Variants in DAB1 observed in about 807,000 individuals in gnomAD.
DAB1 encodes DAB adaptor protein 1.
In DAB1, 15 loss-of-function variants were observed where a neutral mutation model predicts 64.6. That is an observed-to-expected ratio of 0.23 (90% confidence interval 0.16 to 0.36). The LOEUF (loss-of-function observed/expected upper bound fraction) is 0.36. Among genes scored for constraint, DAB1 ranks in the 10% least tolerant of loss-of-function variants. The probability of loss-of-function intolerance (pLI) is 1.00; values close to 1 mark genes in which losing one functional copy is unlikely to be tolerated. For missense variants in DAB1, 596 were observed against 706.7 expected, an observed-to-expected ratio of 0.84 and a Z score of 1.78; for synonymous variants, 235 against 251.9, an observed-to-expected ratio of 0.93 and a Z score of 0.64.
At chr1:58,460,470 T>C (rs1645233511) in intron 3 of DAB1, among the ~76,000 whole-genome samples, 1 of 152,246 alleles carries the variant, frequency 6.6e-6, no homozygotes, top group South Asian at 2.1e-4. Flanking sequence ...TTGTTTTTTA[T>C]TTCTGGCCAG....
At chr1:57,835,730 T>C (rs1652781544) in intron 1 of DAB1, among the ~76,000 whole-genome samples, 1 of 152,216 alleles carries the variant, frequency 6.6e-6, no homozygotes, top group South Asian at 2.1e-4. Flanking sequence ...CCTGCTGTTT[T>C]GCTGGAGAAA....
intron 3 of DAB1, among the ~76,000 whole-genome samples, chr1:58,433,592 A>C (rs1010641447): frequency 1.0e-3 from 104 of 100,812 alleles, no homozygotes; most frequent in Admixed American, 1.5e-3. Context: ...AGAGAGAGAG[A>C]GAGAGTGTGT....
At chr1:58,524,216 A>G (rs1241494831) in intron 2 of DAB1, among the ~76,000 whole-genome samples, 2 of 152,198 alleles carry the variant, frequency 1.3e-5, no homozygotes, top group African/African-American at 2.4e-5. Context: ...CCAGAATAGC[A>G]CACTTTCATC....
chr1:57,792,476 T>C (rs1327097172), intron 6 of DAB1, among the ~76,000 whole-genome samples: 1 of 152,224 alleles, frequency 6.6e-6, no homozygotes, highest in Admixed American at 6.5e-5. Context: ...TAAAGTTTTC[T>C]ATTTTTAGAT....
At chr1:58,050,073 T>C (rs1298528112) in intron 5 of DAB1, among the ~76,000 whole-genome samples, 1 of 151,978 alleles carries the variant, frequency 6.6e-6, no homozygotes, top group Non-Finnish European at 1.5e-5. Flanking sequence ...TATGGAGAAG[T>C]GTAGAGGGTG....
chr1:57,381,267 G>C (rs542776137), intron 1 of DAB1, among the ~76,000 whole-genome samples: 3 of 152,202 alleles, frequency 2.0e-5, no homozygotes, highest in Non-Finnish European at 4.4e-5. Context: ...GAAGATAATA[G>C]AACAAATGGA....
chr1:57,220,010 T>A (rs1182183608), intron 2 of DAB1, among the ~76,000 whole-genome samples: 2 of 152,200 alleles, frequency 1.3e-5, no homozygotes, highest in East Asian at 3.9e-4. Context: ...TACATTAGAC[T>A]ACAAGCTTCT....
At chr1:58,530,397 T>C (rs1274878236) in intron 1 of DAB1, among the ~76,000 whole-genome samples, 5 of 152,148 alleles carry the variant, frequency 3.3e-5, no homozygotes, top group Admixed American at 3.3e-4. Flanking sequence ...TCCATACCCA[T>C]CATTTGAGAG....
At chr1:57,712,613 G>A (rs1647040248) in intron 6 of DAB1, among the ~76,000 whole-genome samples, 1 of 152,206 alleles carries the variant, frequency 6.6e-6, no homozygotes, top group South Asian at 2.1e-4. Flanking sequence ...TACTTGAGCA[G>A]AAGGAAAGGG....
upstream of DAB1, among the ~76,000 whole-genome samples, chr1:57,886,287 T>C (rs1644221058): frequency 6.6e-6 from 1 of 151,620 alleles, no homozygotes; most frequent in South Asian, 2.1e-4. Flanking sequence ...GCCTCTGGAG[T>C]ACCTGGGATT....
intron 1 of DAB1, among the ~76,000 whole-genome samples, chr1:57,421,902 C>CGGGGGGG (rs1309675216): frequency 8.5e-5 from 1 of 11,706 alleles, no homozygotes; most frequent in Non-Finnish European, 1.7e-4. Context: ...TGGGGGGTGG[C>CGGGGGGG]GGGGGGGGGG....
At chr1:57,606,708 A>G (rs1645656253) in intron 7 of DAB1, among the ~76,000 whole-genome samples, 1 of 133,226 alleles carries the variant, frequency 7.5e-6, no homozygotes, top group Non-Finnish European at 1.5e-5. Context: ...TATGAAATAT[A>G]TATGTATGAA....
chr1:58,110,272 T>C (rs1570363977), intron 5 of DAB1, among the ~76,000 whole-genome samples: 1 of 152,174 alleles, frequency 6.6e-6, no homozygotes, highest in Non-Finnish European at 1.5e-5. Context: ...CAAAACACAA[T>C]ACTTTTTTTT....
intron 3 of DAB1, among the ~76,000 whole-genome samples, chr1:58,389,380 G>A (rs1364514118): frequency 6.6e-6 from 1 of 152,196 alleles, no homozygotes; most frequent in Non-Finnish European, 1.5e-5. Context: ...CCAAGCTGCA[G>A]TAAGCTATGA....
chr1:57,652,296 C>T (rs1015886637), intron 6 of DAB1, among the ~76,000 whole-genome samples: 1 of 152,104 alleles, frequency 6.6e-6, no homozygotes, highest in African/African-American at 2.4e-5. Flanking sequence ...ACCAGCACTA[C>T]AGAAGGACCA....
At chr1:57,478,522 T>C (rs1292876504) in intron 7 of DAB1, among the ~76,000 whole-genome samples, 1 of 151,994 alleles carries the variant, frequency 6.6e-6, no homozygotes, top group Admixed American at 6.6e-5. Flanking sequence ...ACTTTATACA[T>C]GTTATAATAG....
intron 1 of DAB1, among the ~76,000 whole-genome samples, chr1:58,535,551 G>A (rs1646502858): frequency 6.8e-6 from 1 of 147,796 alleles, no homozygotes; most frequent in Non-Finnish European, 1.5e-5. Context: ...AGCCAAGATG[G>A]CACCACTGCA....
At chr1:57,986,603 C>G (rs907052188) in intron 5 of DAB1, among the ~76,000 whole-genome samples, 2 of 152,152 alleles carry the variant, frequency 1.3e-5, no homozygotes, top group African/African-American at 4.8e-5. Context: ...ACGTGTTCTC[C>G]GCTGCTTTAC....
At chr1:58,097,082 G>C (rs569659817) in intron 5 of DAB1, among the ~76,000 whole-genome samples, 1 of 152,342 alleles carries the variant, frequency 6.6e-6, no homozygotes, top group African/African-American at 2.4e-5. Flanking sequence ...GTTATTTGTT[G>C]AGGGCCAACT....
Sources: gnomAD v4.1 joint callset for allele counts (sites outside exome capture counted in the v4.1 genomes callset) on GRCh38, gnomAD v4.1.1 for gene constraint, MANE v1.5 for transcripts, NCBI Gene and HGNC (gene_info 2026-07-23, HGNC 2026-07-21) for gene names.